The following LRBA variants were observed in gnomAD, a reference collection of about 807,000 sequenced individuals.
LRBA encodes the protein lipopolysaccharide-responsive and beige-like anchor protein.
In LRBA, 176 loss-of-function variants were observed where a neutral mutation model predicts 330.0. The observed-to-expected ratio is 0.53, with a 90% CI of 0.47 to 0.60. The LOEUF (loss-of-function observed/expected upper bound fraction) is 0.60, where lower values mean the gene tolerates loss of function less well. Among genes scored for constraint, LRBA ranks in the 20% least tolerant of loss-of-function variants. LRBA has a pLI of 0.00. For synonymous variants in LRBA, 1,230 were observed against 1,193.0 expected, an observed-to-expected ratio of 1.03 and a Z score of -0.64; for missense variants, 3,259 against 3,444.8, an observed-to-expected ratio of 0.95 and a Z score of 1.35.
intron 34 of LRBA, among the ~76,000 whole-genome samples, chr4:150,767,838 C>A (rs1173296335): frequency 6.7e-6 from 1 of 150,188 alleles, no homozygotes; most frequent in East Asian, 2.0e-4. Flanking sequence ...CCGAGGTGGG[C>A]AGACCAGGAG....
At chr4:150,545,186 A>G (rs1765724331) in intron 40 of LRBA, among the ~76,000 whole-genome samples, 1 of 152,232 alleles carries the variant, frequency 6.6e-6, no homozygotes, top group Non-Finnish European at 1.5e-5. Context: ...TATTAATACC[A>G]TAATCAAGGT....
chr4:151,005,356 T>C (rs1743891564), intron 2 of LRBA, among the ~76,000 whole-genome samples: 1 of 137,862 alleles, frequency 7.3e-6, no homozygotes, highest in Non-Finnish European at 1.5e-5. Context: ...GAGAATCCCT[T>C]GAACCCGGGA....
chr4:150,886,786 CCA>C (rs953266567), intron 17 of LRBA, among the ~76,000 whole-genome samples: 37 of 152,168 alleles, frequency 2.4e-4, no homozygotes, highest in African/African-American at 8.9e-4. Flanking sequence ...CATCCAGGAC[CCA>C]CAATATTCAA....
chr4:150,462,220 G>C (rs1200307042), intron 44 of LRBA, among the ~76,000 whole-genome samples: 1 of 151,842 alleles, frequency 6.6e-6, no homozygotes, highest in Middle Eastern at 3.4e-3. Flanking sequence ...CAGAATTTCA[G>C]ACTACTGATG....
At chr4:150,518,537 T>C (rs1365620458) in intron 40 of LRBA, among the ~76,000 whole-genome samples, 1 of 152,160 alleles carries the variant, frequency 6.6e-6, no homozygotes, top group African/African-American at 2.4e-5. Context: ...TCAACCTGCT[T>C]ACCTTTTTTT....
At chr4:150,485,544 G>T (rs1032774299) in intron 42 of LRBA, among the ~76,000 whole-genome samples, 1 of 151,828 alleles carries the variant, frequency 6.6e-6, no homozygotes, top group Non-Finnish European at 1.5e-5. Flanking sequence ...TGGTGTCTTT[G>T]TAAAAGAGGG....
At chr4:150,455,608 A>G (rs1753962071) in intron 44 of LRBA, among the ~76,000 whole-genome samples, 2 of 152,162 alleles carry the variant, frequency 1.3e-5, no homozygotes, top group Admixed American at 6.6e-5. Context: ...GCAATGCATA[A>G]TAATACCATG....
At chr4:150,292,886 T>G (rs10007367) in intron 53 of LRBA, among the ~76,000 whole-genome samples, 14,204 of 152,146 alleles carry the variant, frequency 0.093, 947 homozygotes, top group South Asian at 0.23. Flanking sequence ...AAATCAATAT[T>G]TAACAATAAT....
intron 40 of LRBA, among the ~76,000 whole-genome samples, chr4:150,561,933 GAATAT>G (rs1290298614): frequency 6.6e-6 from 1 of 152,044 alleles, no homozygotes; most frequent in African/African-American, 2.4e-5. Flanking sequence ...CTATGCTTTA[GAATAT>G]AATATAGTTT....
chr4:150,338,003 A>T (rs1452026269), intron 48 of LRBA, among the ~76,000 whole-genome samples: 1 of 152,198 alleles, frequency 6.6e-6, no homozygotes, highest in Non-Finnish European at 1.5e-5. Flanking sequence ...TCCTTGGATA[A>T]GATATCTGAT....
intron 31 of LRBA, among the ~76,000 whole-genome samples, chr4:150,814,957 T>C (rs1744339432): frequency 6.6e-6 from 1 of 151,990 alleles, no homozygotes; most frequent in Non-Finnish European, 1.5e-5. Context: ...ATGTAAAATA[T>C]TACCCATATG....
chr4:150,554,623 A>G (rs926058557), intron 40 of LRBA, among the ~76,000 whole-genome samples: 1 of 152,148 alleles, frequency 6.6e-6, no homozygotes, highest in African/African-American at 2.4e-5. Context: ...GAAAGATGCT[A>G]ATATTTCTTT....
intron 28 of LRBA, among the ~76,000 whole-genome samples, chr4:150,834,751 G>A (rs1053305308): frequency 6.6e-6 from 1 of 152,172 alleles, no homozygotes; most frequent in Non-Finnish European, 1.5e-5. Context: ...CCTGTCCTTT[G>A]TAACACTGAA....
chr4:150,659,712 C>T (rs1293800120), intron 37 of LRBA, among the ~76,000 whole-genome samples: 2 of 6,742 alleles, frequency 3.0e-4, no homozygotes, highest in Non-Finnish European at 1.3e-3. Context: ...CCGTGCCATC[C>T]GGGAGGGAGG....
At position 150,677,804 on chromosome 4, in the gene LRBA, T is replaced by TA. The variant is rs1020996025; in HGVS notation, c.5921+5746dup. Among the ~76,000 whole-genome samples the TA allele has an allele frequency of 1.4e-3, 173 of 122,534 alleles. 1 individual carries two copies. Among genetic ancestry groups the TA allele is most frequent in the South Asian group, 5.5e-3 (21 of 3,846 alleles). The allele number at this position is 122,534 out of a possible 152,430, so 80.4% of individuals were successfully genotyped here. A position where few individuals can be genotyped will look rare whatever the true frequency, so the allele number is the denominator to read the frequency against. On this transcript the variant is annotated intron_variant, in intron 37 of 56. Transcript: ENST00000651943. The stretch of plus-strand genomic sequence containing the variant: ...GGTAACACGACAAGATCCCATGTCT[T>TA]AAAAAAAAAAAGAAAAAGAAAAAGA...
chr4:150,757,143 A>G (rs573529470), intron 35 of LRBA, among the ~76,000 whole-genome samples: 59 of 152,292 alleles, frequency 3.9e-4, no homozygotes, highest in African/African-American at 1.3e-3. Context: ...TCTAAAATAA[A>G]TTTGTTTAAA....
At chr4:150,582,919 G>A (rs762457430) in intron 40 of LRBA, 2 of 1,300,594 alleles carry the variant, frequency 1.5e-6, no homozygotes, top group South Asian at 1.5e-5. Flanking sequence ...AGGGCTTAAC[G>A]GGGAGCGCAC....
chr4:150,553,197 C>T (rs1318070944), intron 40 of LRBA, among the ~76,000 whole-genome samples: 1 of 152,022 alleles, frequency 6.6e-6, no homozygotes, highest in Non-Finnish European at 1.5e-5. Flanking sequence ...AACCATCATT[C>T]TCAGCAAACT....
At chr4:150,983,224 A>G (rs75442857) in intron 2 of LRBA, among the ~76,000 whole-genome samples, 9,768 of 152,234 alleles carry the variant, frequency 0.064, 471 homozygotes, top group East Asian at 0.19. Context: ...TGGGAGGCTG[A>G]GGCAAGCGGA....
Sources: gnomAD v4.1 joint callset for allele counts (sites outside exome capture counted in the v4.1 genomes callset) on GRCh38, gnomAD v4.1.1 for gene constraint, MANE v1.5 for transcripts, NCBI Gene and HGNC (gene_info 2026-07-23, HGNC 2026-07-21) for gene names.